The following NRXN3 variants were observed in gnomAD, a reference collection of about 807,000 sequenced individuals.
NRXN3 encodes the protein neurexin 3, also known as neurexin III.
Under a neutral mutation model 137.6 loss-of-function variants are expected in NRXN3, and 32 were observed. The observed-to-expected ratio is 0.23, with a 90% CI of 0.18 to 0.31. The LOEUF (loss-of-function observed/expected upper bound fraction) is 0.31. Among genes scored for constraint, NRXN3 ranks in the 10% least tolerant of loss-of-function variants. The probability of loss-of-function intolerance (pLI) is 1.00; values close to 1 mark genes in which losing one functional copy is unlikely to be tolerated. For synonymous variants in NRXN3, 798 were observed against 784.5 expected (o/e 1.02, Z -0.29); for missense variants, 1,574 against 2,062.5 (o/e 0.76, Z 4.59).
At chr14:79,174,038 G>A (rs539474369) in intron 15 of NRXN3, among the ~76,000 whole-genome samples, 1 of 152,206 alleles carries the variant, frequency 6.6e-6, no homozygotes, top group South Asian at 2.1e-4. Flanking sequence ...AATATGATTT[G>A]TTTTGTAATT....
chr14:79,034,090 A>G (rs1276868279), intron 15 of NRXN3, among the ~76,000 whole-genome samples: 2 of 152,070 alleles, frequency 1.3e-5, no homozygotes, highest in Non-Finnish European at 2.9e-5. Flanking sequence ...CCCCAGGGTC[A>G]CTTAATTAAA....
At chr14:79,703,382 T>A (rs985434962) in intron 19 of NRXN3, among the ~76,000 whole-genome samples, 1 of 152,196 alleles carries the variant, frequency 6.6e-6, no homozygotes, top group Non-Finnish European at 1.5e-5. Flanking sequence ...GCAACGTCTG[T>A]TCTGGGTAGA....
In NRXN3 at chr14:78,857,456, G is replaced by A. The variant is rs114704176; in HGVS notation, c.2275+47112G>A. On this transcript the variant is annotated intron_variant, in intron 10 of 20. Transcript: ENST00000335750. ...ATTGGGATTTGTAGAAATTTGATGCGTCCAAACTCTGTAATTACCTTAAAG... is the reference window on the plus strand; with the variant it reads ...ATTGGGATTTGTAGAAATTTGATGCATCCAAACTCTGTAATTACCTTAAAG... 6.5e-3 allele frequency among the ~76,000 whole-genome samples: 995 copies of A among 152,158 alleles called. 13 individuals are homozygous for A. Among genetic ancestry groups the A allele is most frequent in the African/African-American group, 0.022 (931 of 41,516 alleles).
intron 16 of NRXN3, among the ~76,000 whole-genome samples, chr14:79,630,609 C>G (rs2098334639): frequency 1.3e-5 from 2 of 152,166 alleles, no homozygotes; most frequent in South Asian, 4.1e-4. Context: ...AACTGGTAAG[C>G]ACTTTAGCCA....
In NRXN3 at chr14:79,564,750, A is replaced by AT. The variant is rs34237887; in HGVS notation, c.3444+97349dup. On this transcript the variant is annotated intron_variant, in intron 16 of 20. Coordinates refer to ENST00000335750, the MANE Select transcript of NRXN3 (RefSeq NM_001330195.2). ...GACCACCTAATAACCAGGTATTTTT[A>AT]TAGAATTTTAATGCTTGTGTTGAGT... 6.3e-3 allele frequency among the ~76,000 whole-genome samples: 957 copies of AT among 152,296 alleles called. 12 individuals carry two copies. Among genetic ancestry groups the AT allele is most frequent in the Middle Eastern group, 0.037 (11 of 294 alleles).
intron 4 of NRXN3, among the ~76,000 whole-genome samples, chr14:78,429,246 T>TA (rs59488018): frequency 4.0e-5 from 6 of 151,276 alleles, no homozygotes; most frequent in African/African-American, 1.5e-4. Context: ...ATATATATAT[T>TA]TTTTGTATAT....
chr14:78,219,159 G>GT (rs960921166), intron 1 of NRXN3, among the ~76,000 whole-genome samples: 4 of 42,228 alleles, frequency 9.5e-5, no homozygotes, highest in Non-Finnish European at 2.0e-4. Flanking sequence ...TTTGGTGGGA[G>GT]GGGGGATGCA....
chr14:79,088,115 G>A (rs1369296856), intron 15 of NRXN3, among the ~76,000 whole-genome samples: 1 of 149,946 alleles, frequency 6.7e-6, no homozygotes, highest in East Asian at 1.9e-4. Context: ...TGATAGGCCA[G>A]GGAGAAAAGA....
chr14:78,593,936 T>G (rs2152413659), intron 4 of NRXN3, among the ~76,000 whole-genome samples: 1 of 152,278 alleles, frequency 6.6e-6, no homozygotes, highest in South Asian at 2.1e-4. Flanking sequence ...TAGATTCATG[T>G]GCATGATATG....
At chr14:78,738,713 C>T (rs1331624244) in intron 8 of NRXN3, among the ~76,000 whole-genome samples, 4 of 150,548 alleles carry the variant, frequency 2.7e-5, no homozygotes, top group East Asian at 3.9e-4. Context: ...TTTTCTTCTT[C>T]TTTGTCTTTT....
chr14:78,311,151 C>T (rs1397912565), intron 4 of NRXN3, among the ~76,000 whole-genome samples: 1 of 152,116 alleles, frequency 6.6e-6, no homozygotes, highest in African/African-American at 2.4e-5. Context: ...TAGTGCTACA[C>T]AGTGTTAAAT....
chr14:79,117,052 A>G (rs1420883517), intron 15 of NRXN3, among the ~76,000 whole-genome samples: 4 of 152,182 alleles, frequency 2.6e-5, no homozygotes. Context: ...TTCATTCAGT[A>G]AAAAAATATT....
At chr14:78,926,271 G>C (rs2099290323) in intron 10 of NRXN3, among the ~76,000 whole-genome samples, 1 of 151,952 alleles carries the variant, frequency 6.6e-6, no homozygotes, top group South Asian at 2.1e-4. Context: ...GGCAGAGTAA[G>C]AGTTCAACAA....
At chr14:78,335,359 C>A (rs902004715) in intron 4 of NRXN3, among the ~76,000 whole-genome samples, 1 of 152,158 alleles carries the variant, frequency 6.6e-6, no homozygotes, top group African/African-American at 2.4e-5. Context: ...TCTTTTAAAT[C>A]ATCAGTTATC....
At chr14:78,453,488 C>G (rs755065671) in intron 4 of NRXN3, among the ~76,000 whole-genome samples, 1 of 152,182 alleles carries the variant, frequency 6.6e-6, no homozygotes, top group Non-Finnish European at 1.5e-5. Context: ...TAAGTTAGAA[C>G]AGGGAGCTCT....
intron 4 of NRXN3, among the ~76,000 whole-genome samples, chr14:78,390,170 A>G (rs1284586260): frequency 2.6e-5 from 4 of 152,192 alleles, no homozygotes; most frequent in Admixed American, 6.6e-5. Flanking sequence ...TATGCATACT[A>G]TTTTAAAACT....
At chr14:79,032,347 T>A (rs1465715061) in intron 15 of NRXN3, among the ~76,000 whole-genome samples, 3 of 152,152 alleles carry the variant, frequency 2.0e-5, no homozygotes, top group Non-Finnish European at 4.4e-5. Flanking sequence ...TGGTTGGGAA[T>A]AAGAATAATA....
intron 4 of NRXN3, among the ~76,000 whole-genome samples, chr14:78,411,216 C>T (rs1030994278): frequency 1.8e-4 from 28 of 152,268 alleles, no homozygotes; most frequent in African/African-American, 6.3e-4. Flanking sequence ...TTTCTTCCCA[C>T]GCAGCACATG....
At chr14:79,649,933 A>C (rs1024489247) in intron 16 of NRXN3, among the ~76,000 whole-genome samples, 1 of 152,214 alleles carries the variant, frequency 6.6e-6, no homozygotes, top group African/African-American at 2.4e-5. Flanking sequence ...TCAAGGTGCC[A>C]GTCAATTTGG....
Sources: allele counts gnomAD v4.1 joint callset (sites outside exome capture counted in the v4.1 genomes callset), GRCh38; gene constraint gnomAD v4.1.1; transcripts MANE v1.5; gene names NCBI Gene and HGNC (gene_info 2026-07-23, HGNC 2026-07-21).